The following ATRNL1 variants were observed in gnomAD, a reference collection of about 807,000 sequenced individuals.
ATRNL1 encodes attractin like 1.
ATRNL1 carries 95 observed loss-of-function variants against 182.7 expected under a neutral mutation model. The ratio of observed to expected loss-of-function variants is 0.52; its 90% CI spans 0.44 to 0.62. The LOEUF (loss-of-function observed/expected upper bound fraction) is 0.62, where lower values mean the gene tolerates loss of function less well. Ranked by LOEUF, ATRNL1 falls within the 20% of genes least tolerant of loss-of-function variation. The pLI, the probability that ATRNL1 is intolerant of heterozygous loss-of-function variation, is 0.00. For missense variants in ATRNL1, 1,471 were observed against 1,679.5 expected, an observed-to-expected ratio of 0.88 and a Z score of 2.17; for synonymous variants, 576 against 568.3, an observed-to-expected ratio of 1.01 and a Z score of -0.19.
At chr10:115,895,527 G>A (rs1952184632) in intron 28 of ATRNL1, among the ~76,000 whole-genome samples, 1 of 152,154 alleles carries the variant, frequency 6.6e-6, no homozygotes, top group African/African-American at 2.4e-5. Flanking sequence ...CAAACCCTCA[G>A]TGAAACATCT....
At chr10:115,721,300 G>A (rs771104512) in intron 26 of ATRNL1, among the ~76,000 whole-genome samples, 1 of 152,100 alleles carries the variant, frequency 6.6e-6, no homozygotes. Context: ...GAGTGATAAC[G>A]TATTTACTTT....
intron 15 of ATRNL1, among the ~76,000 whole-genome samples, chr10:115,294,672 ATTCCTACATAAAATTC>A (rs1853090186): frequency 6.6e-6 from 1 of 152,134 alleles, no homozygotes; most frequent in Admixed American, 6.5e-5. Flanking sequence ...TGTTTGATGT[ATTCCTACATAAAATTC>A]TTCCAATTTT....
chr10:115,175,748 A>G (rs1230917531), intron 8 of ATRNL1, among the ~76,000 whole-genome samples: 3 of 152,132 alleles, frequency 2.0e-5, no homozygotes, highest in Non-Finnish European at 4.4e-5. Flanking sequence ...CTTATTCCTA[A>G]GGCATTTTGA....
intron 8 of ATRNL1, among the ~76,000 whole-genome samples, chr10:115,209,774 G>A (rs1434180598): frequency 1.3e-5 from 2 of 151,946 alleles, no homozygotes; most frequent in East Asian, 3.9e-4. Context: ...ATTGAGACCA[G>A]TTGGTTCCTT....
At chr10:115,132,566 A>G (rs567138540) in intron 5 of ATRNL1, among the ~76,000 whole-genome samples, 9 of 152,104 alleles carry the variant, frequency 5.9e-5, no homozygotes, top group Non-Finnish European at 1.2e-4. Context: ...AAGTGTTCCT[A>G]TTTCTCCACA....
chr10:115,697,361 G>T (rs1555050155), intron 26 of ATRNL1, among the ~76,000 whole-genome samples: 7 of 151,944 alleles, frequency 4.6e-5, no homozygotes, highest in Non-Finnish European at 4.4e-5. Flanking sequence ...TTTGAGATAG[G>T]ATCTTGCTCT....
chr10:115,682,278 C>T (rs1262416754), intron 26 of ATRNL1, among the ~76,000 whole-genome samples: 1 of 152,158 alleles, frequency 6.6e-6, no homozygotes, highest in African/African-American at 2.4e-5. Context: ...GTGGCTCACA[C>T]CTGTAATCCC....
chr10:115,749,571 A>ATAT (rs1948389803), intron 27 of ATRNL1, among the ~76,000 whole-genome samples: 1 of 151,926 alleles, frequency 6.6e-6, no homozygotes, highest in Non-Finnish European at 1.5e-5. Flanking sequence ...CATGTAATTA[A>ATAT]TATTATTATC....
chr10:115,502,175 A>G (rs1849877199), intron 24 of ATRNL1, among the ~76,000 whole-genome samples: 1 of 152,176 alleles, frequency 6.6e-6, no homozygotes, highest in Non-Finnish European at 1.5e-5. Flanking sequence ...ATACATATCA[A>G]TAATGTATTT....
At chr10:115,924,906 G>C (rs1589702334) in intron 28 of ATRNL1, among the ~76,000 whole-genome samples, 1 of 152,046 alleles carries the variant, frequency 6.6e-6, no homozygotes, top group Non-Finnish European at 1.5e-5. Context: ...ATTTGTTTAT[G>C]TCCTCTCTTA....
At chr10:115,655,436 A>G (rs1860271675) in intron 26 of ATRNL1, among the ~76,000 whole-genome samples, 1 of 152,156 alleles carries the variant, frequency 6.6e-6, no homozygotes, top group Non-Finnish European at 1.5e-5. Flanking sequence ...TTTTTTCTTC[A>G]TAGATCGACA....
At chr10:115,712,889 A>T (rs1255060394) in intron 26 of ATRNL1, among the ~76,000 whole-genome samples, 1 of 151,946 alleles carries the variant, frequency 6.6e-6, no homozygotes, top group Non-Finnish European at 1.5e-5. Flanking sequence ...AGAAAAAAAA[A>T]TTAGAAATTT....
At chr10:115,648,979 T>G (rs1411994218) in intron 26 of ATRNL1, among the ~76,000 whole-genome samples, 1 of 152,122 alleles carries the variant, frequency 6.6e-6, no homozygotes, top group Non-Finnish European at 1.5e-5. Context: ...TCTCTAGGTG[T>G]GAGGCCTTGG....
intron 28 of ATRNL1, among the ~76,000 whole-genome samples, chr10:115,929,118 A>T (rs782736805): frequency 9.9e-5 from 15 of 152,036 alleles, no homozygotes; most frequent in Admixed American, 6.6e-4. Flanking sequence ...ACTCATTTCA[A>T]CAAGGGGAAA....
intron 1 of ATRNL1, among the ~76,000 whole-genome samples, chr10:115,095,838 A>G (rs2084998505): frequency 1.3e-5 from 2 of 152,158 alleles, no homozygotes; most frequent in Admixed American, 1.3e-4. Context: ...TTTTTTTTAC[A>G]TAAATAGGGA....
chr10:115,171,377 T>C (rs1554885575), intron 8 of ATRNL1, 85 bp downstream of exon 8: 1 of 1,257,900 alleles, frequency 7.9e-7, no homozygotes, highest in Non-Finnish European at 1.1e-6. Flanking sequence ...TTAGTCAAAA[T>C]GGTGAGTTAT....
chr10:115,646,221 G>T (rs1859606424), intron 26 of ATRNL1, among the ~76,000 whole-genome samples: 1 of 151,984 alleles, frequency 6.6e-6, no homozygotes, highest in Admixed American at 6.6e-5. Flanking sequence ...ACTGTACATT[G>T]ATATTATTTT....
intron 1 of ATRNL1, among the ~76,000 whole-genome samples, chr10:115,109,601 A>C (rs1476464813): frequency 6.6e-6 from 1 of 152,164 alleles, no homozygotes; most frequent in Non-Finnish European, 1.5e-5. Flanking sequence ...TCGGGGATTA[A>C]GTTTTCAACA....
intron 26 of ATRNL1, among the ~76,000 whole-genome samples, chr10:115,651,232 G>C (rs1265186288): frequency 2.0e-5 from 3 of 151,966 alleles, no homozygotes; most frequent in Non-Finnish European, 2.9e-5. Context: ...CGTGGAGTGA[G>C]AGAAGAGAAC....
Sources: gnomAD v4.1 joint callset for allele counts (sites outside exome capture counted in the v4.1 genomes callset) on GRCh38, gnomAD v4.1.1 for gene constraint, MANE v1.5 for transcripts, NCBI Gene and HGNC (gene_info 2026-07-23, HGNC 2026-07-21) for gene names.